ARHGEF40: variants seen among roughly 807,000 people sequenced by gnomAD.
The protein encoded by ARHGEF40 is Rho guanine nucleotide exchange factor 40.
A neutral mutation model predicts 165.9 loss-of-function variants in ARHGEF40; 98 were observed. The ratio of observed to expected loss-of-function variants is 0.59; its 90% CI spans 0.50 to 0.70. The LOEUF is 0.70. Ranked by LOEUF, ARHGEF40 falls within the 30% of genes least tolerant of loss-of-function variation. The pLI is 0.00. For missense variants in ARHGEF40, 1,815 were observed against 1,968.0 expected, an observed-to-expected ratio of 0.92 and a Z score of 1.47; for synonymous variants, 792 against 814.3, an observed-to-expected ratio of 0.97 and a Z score of 0.47.
rs145326187 is a variant in ARHGEF40 at position 21,075,086 on chromosome 14, C to T, written c.1356C>T (p.Gly452=). The change falls in exon 3 of 24, where the codon GGC becomes GGT. Residue 452 remains glycine (G), a synonymous_variant. Transcript: ENST00000298694. The surrounding 1 kb of genome is among the most constrained non-coding windows in gnomAD (Gnocchi z 4.5). The stretch of plus-strand genomic sequence containing the variant: ...AGCCAAAAGAGCTCAAAACAGCAGG[C>T]GAGAAAGAGCCTCAGCTCTCTGAAG... ...ESEPKELKTA[G]EKEPQLSEAC... is the part of the protein sequence containing the mutation. 1.4e-5 allele frequency: 22 copies of T among 1,614,014 alleles called. No individual in the cohort carries two copies. In the South Asian group the frequency reaches 2.2e-4, roughly 16 times the overall value.
intron 8 of ARHGEF40, among the ~76,000 whole-genome samples, chr14:21,077,562 A>T (rs1008479617): frequency 6.6e-6 from 1 of 152,078 alleles, no homozygotes; most frequent in Non-Finnish European, 1.5e-5. Flanking sequence ...GTTCCAAATT[A>T]CTTTACCTCA....
At chr14:21,065,263 A>C in the ARHGEF40 span, among the ~76,000 whole-genome samples, 10 of 151,516 alleles carry the variant, frequency 6.6e-5, 1 homozygote, top group Admixed American at 2.0e-4. Context: ...AACAAACAAA[A>C]AAAACCTCAT....
chr14:21,080,634 C>G (rs1272509439), intron 11 of ARHGEF40, 26 bp from the exon 12 acceptor site: 1 of 1,599,806 alleles, frequency 6.3e-7, no homozygotes. Context: ...CCATGACCCC[C>G]TGCCCTCCCA....
At chr14:21,070,227 C>T, upstream of ARHGEF40, 1 of 561,484 alleles carries the variant, frequency 1.8e-6, no homozygotes, top group Non-Finnish European at 2.5e-6. The surrounding 1 kb of genome is among the most constrained non-coding windows in gnomAD (Gnocchi z 4.7). Context: ...GCCGTCTCGG[C>T]CCTCCCTGGC....
At chr14:21,078,319 T>TG in intron 9 of ARHGEF40, 47 bp downstream of exon 9, 3 of 1,603,640 alleles carry the variant, frequency 1.9e-6, no homozygotes, top group Non-Finnish European at 2.6e-6. Context: ...GGGATGGGGC[T>TG]GGGGTGGAGA....
chr14:21,070,893 C>T lies in ARHGEF40; in HGVS notation c.3+494C>T, dbSNP rs1269706993. 1 of 1,533,964 alleles carries T rather than the reference C, an allele frequency of 6.5e-7. No individual in the cohort carries two copies. Among genetic ancestry groups the T allele is most frequent in the Non-Finnish European group, 8.7e-7 (1 of 1,145,466 alleles). On this transcript the variant is annotated intron_variant, in intron 1 of 23. Coordinates refer to ENST00000298694, the MANE Select transcript of ARHGEF40 (RefSeq NM_018071.5). This position sits in a 1 kb window ranked among gnomAD's most constrained non-coding sequence, Gnocchi z 4.7. ...GTGAGGCAGGCCCACCCATCCGGCC[C>T]TAGGGGACTGGCCACAGCTGTGGCT...
upstream of ARHGEF40, among the ~76,000 whole-genome samples, chr14:21,069,544 A>C (rs1423421235): frequency 6.6e-6 from 1 of 152,210 alleles, no homozygotes; most frequent in Non-Finnish European, 1.5e-5. Flanking sequence ...CCCCTACATA[A>C]GCATCCCGAT....
upstream of ARHGEF40, among the ~76,000 whole-genome samples, chr14:21,066,327 T>G (rs1886262957): frequency 1.1e-5 from 1 of 92,732 alleles, no homozygotes; most frequent in Admixed American, 1.2e-4. Context: ...TTTTTTTTGT[T>G]TTTTTTTTTT....
At chr14:21,066,618 G>T (rs2139172334), upstream of ARHGEF40, among the ~76,000 whole-genome samples, 1 of 152,352 alleles carries the variant, frequency 6.6e-6, no homozygotes, top group East Asian at 1.9e-4. Context: ...ACAGGCATGA[G>T]CCACCGTGCC....
chr14:21,083,136 G>GGAAACA (rs1888061024), intron 16 of ARHGEF40, among the ~76,000 whole-genome samples: 1 of 152,012 alleles, frequency 6.6e-6, no homozygotes, highest in Non-Finnish European at 1.5e-5. Flanking sequence ...GTTTCCTCTG[G>GGAAACA]GCCTCTATTT....
rs1374121664 is a variant in ARHGEF40, at chr14:21,081,733, C to A, written c.2865C>A (p.His955Gln). Residue 955 changes from histidine (H) to glutamine (Q), a missense_variant, in exon 14 of 24, where the codon CAC becomes CAA. His to Gln is a conservative substitution (Grantham distance 24). Transcript: ENST00000298694. ...CQELERRIQQHVGEEASPRGY... is the reference protein window; with the variant it reads ...CQELERRIQQQVGEEASPRGY... ...AGCTAGAGAGGAGGATCCAGCAACA[C>A]GTGGGAGAGGAGGCGAGCCCACGGG... 2 of 1,577,588 alleles carry A rather than the reference C, an allele frequency of 1.3e-6. No individual in the cohort carries two copies. The highest frequency in any genetic ancestry group is 3.7e-5 in the Admixed American group (2 of 53,914).
Position 21,070,799 on chromosome 14 carries a change from GC to G in ARHGEF40, c.3+403del. 1 of 1,535,278 alleles carries G rather than the reference GC, an allele frequency of 6.5e-7. No individual in the cohort carries two copies. The highest frequency in any genetic ancestry group is 8.7e-7 in the Non-Finnish European group (1 of 1,146,652). On this transcript the variant is annotated intron_variant, in intron 1 of 23. Coordinates refer to ENST00000298694, the MANE Select transcript of ARHGEF40 (RefSeq NM_018071.5). This position sits in a 1 kb window ranked among gnomAD's most constrained non-coding sequence, Gnocchi z 4.7. ...TGGTCCTGCAGCGACCCTGGAAGAG[GC>G]CCGGCCCCTCGGGTCATGAGAACTG... is the stretch of plus-strand genomic sequence containing the variant.
intron 16 of ARHGEF40, 95 bp downstream of exon 16, chr14:21,083,012 GC>G: frequency 9.3e-7 from 1 of 1,074,250 alleles, no homozygotes; most frequent in Non-Finnish European, 1.4e-6. Context: ...AACTGGATAT[GC>G]CCAGGAACAT....
Position 21,074,017 on chromosome 14 carries a change from C to G in ARHGEF40, c.287C>G (p.Pro96Arg). 2 of 1,613,972 alleles carry G rather than the reference C, an allele frequency of 1.2e-6. No homozygotes were observed. The highest frequency in any genetic ancestry group is 1.6e-4 in the Middle Eastern group (1 of 6,062). ...GTGGTGGTGCAGCTAGCAGCCCTACCCTGGCAACTGCTGCGCCCAGGAGAC... is the reference window on the plus strand; with the variant it reads ...GTGGTGGTGCAGCTAGCAGCCCTACGCTGGCAACTGCTGCGCCCAGGAGAC... ...EQVVVQLAAL[P>R]WQLLRPGDFY... The change falls in exon 3 of 24, where the codon CCC becomes CGC. Residue 96 changes from proline to arginine, a missense_variant. Coordinates refer to ENST00000298694, the MANE Select transcript of ARHGEF40 (RefSeq NM_018071.5). The surrounding 1 kb of genome is among the most constrained non-coding windows in gnomAD (Gnocchi z 4.8).
At chr14:21,061,682 C>G in the ARHGEF40 span, among the ~76,000 whole-genome samples, 1 of 152,064 alleles carries the variant, frequency 6.6e-6, no homozygotes, top group African/African-American at 2.4e-5. Flanking sequence ...GTTCTAACAT[C>G]CAGAAAATTT....
At chr14:21,086,183 G>C in intron 19 of ARHGEF40, 1 of 303,898 alleles carries the variant, frequency 3.3e-6, no homozygotes, top group Admixed American at 4.5e-5. Flanking sequence ...TTCAAGACCA[G>C]CCTGGGCACA....
chr14:21,086,014 T>C (rs1314852590), intron 19 of ARHGEF40, 148 bp downstream of exon 19: 33 of 979,944 alleles, frequency 3.4e-5, no homozygotes, highest in Non-Finnish European at 4.4e-5. Context: ...CTTGAGAGAT[T>C]ACTGAAGTAG....
chr14:21,076,163 C>T (rs941758335), intron 5 of ARHGEF40, among the ~76,000 whole-genome samples, 197 bp from the exon 6 acceptor site: 8 of 152,328 alleles, frequency 5.3e-5, no homozygotes, highest in African/African-American at 1.9e-4. Flanking sequence ...AATATAGACC[C>T]CTGACTGCTA....
At chr14:21,087,484 T>C in intron 21 of ARHGEF40, 21 bp downstream of exon 21, 10 of 1,599,108 alleles carry the variant, frequency 6.3e-6, no homozygotes, top group Non-Finnish European at 8.5e-6. Flanking sequence ...TCTCAAGGGG[T>C]GGCTCCCAAC....
Sources: allele counts gnomAD v4.1 joint callset (sites outside exome capture counted in the v4.1 genomes callset), GRCh38; gene constraint gnomAD v4.1.1; non-coding constraint Gnocchi (gnomAD v3.1); transcripts MANE v1.5; gene names NCBI Gene and HGNC (gene_info 2026-07-23, HGNC 2026-07-21).